The following LCLAT1 variants were observed in gnomAD, a reference collection of about 807,000 sequenced individuals.
The protein encoded by LCLAT1 is lysocardiolipin acyltransferase 1, also known as 1-AGP acyltransferase 8.
Under a neutral mutation model 30.7 loss-of-function variants are expected in LCLAT1, and 11 were observed. That is an observed-to-expected ratio of 0.36 (90% CI 0.23 to 0.59). LCLAT1 has a LOEUF of 0.59. Among genes scored for constraint, LCLAT1 ranks in the 20% least tolerant of loss-of-function variants. The pLI is 0.77. For missense variants in LCLAT1, 402 were observed against 458.6 expected, an observed-to-expected ratio of 0.88 and a Z score of 1.13; for synonymous variants, 155 against 151.3, an observed-to-expected ratio of 1.02 and a Z score of -0.18.
chr2:30,454,694 C>T lies in LCLAT1; in HGVS notation c.-5+7311C>T, dbSNP rs149338712. Among the ~76,000 whole-genome samples, 1,102 of 152,148 alleles carry T rather than the reference C, an allele frequency of 7.2e-3. 6 individuals are homozygous for T. The highest frequency in any genetic ancestry group is 9.5e-3 in the Admixed American group (145 of 15,284). On this transcript the variant is annotated intron_variant, in intron 1 of 5. Coordinates refer to ENST00000379509, the MANE Select transcript of LCLAT1 (RefSeq NM_001002257.3). ...GAACTCCTGAGCTCAAGTGATTCTC[C>T]CTCTTCGACCTCCCAAAGTGCTGTG...
intron 5 of LCLAT1, among the ~76,000 whole-genome samples, chr2:30,621,876 T>A (rs1668267486): frequency 6.6e-6 from 1 of 152,094 alleles, no homozygotes; most frequent in Admixed American, 6.5e-5. Context: ...TTGTAACAAC[T>A]TTGATGGAAT....
intron 3 of LCLAT1, among the ~76,000 whole-genome samples, chr2:30,542,333 C>T (rs551416747): frequency 1.3e-5 from 2 of 152,192 alleles, no homozygotes; most frequent in East Asian, 1.9e-4. Context: ...TTATGTGTGA[C>T]CCATTTTGAT....
At chr2:30,508,897 G>A (rs1473582567) in intron 1 of LCLAT1, among the ~76,000 whole-genome samples, 2 of 152,176 alleles carry the variant, frequency 1.3e-5, no homozygotes, top group African/African-American at 4.8e-5. Context: ...TTCTATCCAT[G>A]AGCATGAAAT....
chr2:30,547,481 T>C (rs1664479723), intron 3 of LCLAT1, among the ~76,000 whole-genome samples: 1 of 152,202 alleles, frequency 6.6e-6, no homozygotes, highest in African/African-American at 2.4e-5. Context: ...AGATACTGGC[T>C]TTCTCAGCCT....
chr2:30,630,936 A>G (rs1668738114), intron 5 of LCLAT1, among the ~76,000 whole-genome samples: 1 of 152,172 alleles, frequency 6.6e-6, no homozygotes, highest in African/African-American at 2.4e-5. Flanking sequence ...CAAAAGAAAT[A>G]GAAAGCCTGT....
At chr2:30,618,472 T>C (rs947413794) in intron 5 of LCLAT1, among the ~76,000 whole-genome samples, 1 of 152,192 alleles carries the variant, frequency 6.6e-6, no homozygotes, top group Admixed American at 6.5e-5. Context: ...TTTTATAAAA[T>C]TTACAAGTGT....
intron 5 of LCLAT1, among the ~76,000 whole-genome samples, chr2:30,596,529 ACT>A (rs1666937400): frequency 1.3e-5 from 2 of 149,742 alleles, no homozygotes; most frequent in East Asian, 3.9e-4. Context: ...TTTCTTGTTG[ACT>A]CTGAGTATTA....
intron 1 of LCLAT1, among the ~76,000 whole-genome samples, chr2:30,451,240 A>G (rs1057422008): frequency 1.3e-5 from 2 of 152,200 alleles, no homozygotes; most frequent in Non-Finnish European, 2.9e-5. Flanking sequence ...GTGTAGACCA[A>G]CTGGATCTCT....
intron 1 of LCLAT1, among the ~76,000 whole-genome samples, chr2:30,494,865 T>TG (rs1320490413): frequency 1.3e-5 from 2 of 151,822 alleles, no homozygotes; most frequent in African/African-American, 4.8e-5. Context: ...TTTTTCTGTT[T>TG]GGGGGGTGGA....
intron 5 of LCLAT1, among the ~76,000 whole-genome samples, chr2:30,585,032 G>A (rs978286562): frequency 6.6e-6 from 1 of 150,818 alleles, no homozygotes; most frequent in Admixed American, 6.6e-5. Context: ...TGATGTTGTA[G>A]CCAAGTTACA....
intron 5 of LCLAT1, among the ~76,000 whole-genome samples, chr2:30,616,507 A>T (rs779110452): frequency 9.9e-5 from 15 of 152,184 alleles, no homozygotes; most frequent in South Asian, 2.1e-4. Flanking sequence ...ACACATTGTC[A>T]CTTTTCTTCT....
intron 1 of LCLAT1, among the ~76,000 whole-genome samples, chr2:30,494,158 G>A (rs551208503): frequency 6.6e-6 from 1 of 152,314 alleles, no homozygotes; most frequent in African/African-American, 2.4e-5. Flanking sequence ...AGGAGTTTGA[G>A]GTTGCAGTAA....
chr2:30,632,783 G>A (rs1668831417), intron 5 of LCLAT1, among the ~76,000 whole-genome samples: 1 of 152,230 alleles, frequency 6.6e-6, no homozygotes, highest in Non-Finnish European at 1.5e-5. Context: ...CTTATAGTGA[G>A]CATGCCAAAG....
chr2:30,516,120 G>T (rs989310959), intron 1 of LCLAT1, among the ~76,000 whole-genome samples: 3 of 152,184 alleles, frequency 2.0e-5, no homozygotes, highest in Admixed American at 6.5e-5. Context: ...AAAGCAGGAG[G>T]TAAAGAAATA....
At chr2:30,625,770 T>C (rs1468868253) in intron 5 of LCLAT1, among the ~76,000 whole-genome samples, 1 of 152,342 alleles carries the variant, frequency 6.6e-6, no homozygotes, top group East Asian at 1.9e-4. Flanking sequence ...CTGTAGCTCC[T>C]GTTCTTAATA....
At chr2:30,494,337 C>T (rs952059395) in intron 1 of LCLAT1, among the ~76,000 whole-genome samples, 2 of 152,044 alleles carry the variant, frequency 1.3e-5, no homozygotes, top group African/African-American at 4.8e-5. Flanking sequence ...GTGTGAACTT[C>T]GACAGCTTTT....
intron 5 of LCLAT1, among the ~76,000 whole-genome samples, chr2:30,623,728 G>A (rs759537404): frequency 4.6e-5 from 7 of 152,302 alleles, no homozygotes; most frequent in Non-Finnish European, 8.8e-5. Context: ...CCTTGCTAGA[G>A]ATCCAGACAT....
intron 5 of LCLAT1, among the ~76,000 whole-genome samples, chr2:30,577,306 C>T (rs1234755714): frequency 1.3e-5 from 2 of 151,936 alleles, no homozygotes; most frequent in Non-Finnish European, 2.9e-5. Flanking sequence ...TCTAAATCAG[C>T]AGCCTTCCCC....
At chr2:30,507,356 A>T (rs1362057408) in intron 1 of LCLAT1, among the ~76,000 whole-genome samples, 3 of 152,160 alleles carry the variant, frequency 2.0e-5, no homozygotes, top group African/African-American at 7.2e-5. Flanking sequence ...TCAGGTTTAC[A>T]TGTGCAAGTT....
Sources: allele counts gnomAD v4.1 joint callset (sites outside exome capture counted in the v4.1 genomes callset), GRCh38; gene constraint gnomAD v4.1.1; transcripts MANE v1.5; gene names NCBI Gene and HGNC (gene_info 2026-07-23, HGNC 2026-07-21).